Variants in ITPR2 observed in about 807,000 individuals in gnomAD.
ITPR2 encodes the protein inositol 1,4,5-trisphosphate receptor type 2, also known as inositol 1,4,5-trisphosphate-gated calcium channel ITPR2.
A neutral mutation model predicts 317.1 loss-of-function variants in ITPR2; 207 were observed. The ratio of observed to expected loss-of-function variants is 0.65; its 90% CI spans 0.58 to 0.73. ITPR2 has a LOEUF of 0.73. Ranked by LOEUF, ITPR2 falls within the 30% of genes least tolerant of loss-of-function variation. The probability of loss-of-function intolerance (pLI) is 0.00; values close to 1 mark genes in which losing one functional copy is unlikely to be tolerated. For missense variants in ITPR2, 2,613 were observed against 3,284.0 expected (o/e 0.80, Z 4.99); for synonymous variants, 1,156 against 1,149.1 (o/e 1.01, Z -0.12).
chr12:26,674,389 C>A (rs1452192382), intron 13 of ITPR2, among the ~76,000 whole-genome samples: 1 of 152,178 alleles, frequency 6.6e-6, no homozygotes, highest in African/African-American at 2.4e-5. Context: ...AGAAATAACA[C>A]CGCATATCTA....
At chr12:26,506,626 T>G (rs538034358) in intron 37 of ITPR2, among the ~76,000 whole-genome samples, 29 of 151,902 alleles carry the variant, frequency 1.9e-4, no homozygotes, top group Admixed American at 1.1e-3. Flanking sequence ...GTTATAAAAC[T>G]TAAAAGACAG....
intron 52 of ITPR2, among the ~76,000 whole-genome samples, chr12:26,407,574 G>A (rs1445660539): frequency 6.6e-6 from 1 of 152,124 alleles, no homozygotes; most frequent in East Asian, 1.9e-4. Context: ...TCTTTAGTAG[G>A]TATAAAGAAA....
Position 26,740,246 on chromosome 12 carries a change from C to G in ITPR2, c.164-14481G>C, listed in dbSNP as rs1949206099. 2.6e-5 allele frequency among the ~76,000 whole-genome samples: 4 copies of G among 152,224 alleles called. No homozygotes were observed. In the South Asian group the frequency reaches 8.3e-4, roughly 32 times the overall value. ...GTGAGGAAGAGACTATTGAGTCATG[C>G]CAAAAATACTTGAGGGTCCCAACGA... is the stretch of plus-strand genomic sequence containing the variant. On this transcript the variant is annotated intron_variant, in intron 2 of 56. Transcript: ENST00000381340.
In ITPR2 at chr12:26,550,129, A is replaced by G. The variant is rs558386307; in HGVS notation, c.5073+118T>C. The G allele has an allele frequency of 7.8e-5, 40 of 516,088 alleles. 1 individual carries two copies. The African/African-American group carries it at 8.0e-4, about 10-fold the overall frequency. The allele number at this position is 516,088 out of a possible 1,614,324, so 32.0% of individuals were successfully genotyped here. On this transcript the variant is annotated intron_variant, in intron 37 of 56. Coordinates refer to ENST00000381340, the MANE Select transcript of ITPR2 (RefSeq NM_002223.4). ...CTCAAATTATATAATTCATCTAAGT[A>G]CATGCATCATTAAGATATAATGCAA...
At chr12:26,689,949 T>C (rs1948202965) in intron 10 of ITPR2, among the ~76,000 whole-genome samples, 1 of 152,200 alleles carries the variant, frequency 6.6e-6, no homozygotes, top group Admixed American at 6.5e-5. Context: ...ACCAGGAGAA[T>C]TATAGTCACA....
chr12:26,719,964 A>G (rs565064245), intron 5 of ITPR2, among the ~76,000 whole-genome samples: 2 of 152,318 alleles, frequency 1.3e-5, no homozygotes, highest in African/African-American at 4.8e-5. Flanking sequence ...TAACTATTCA[A>G]CCATGGGAAG....
chr12:26,622,291 C>T lies in ITPR2; in HGVS notation c.3237G>A (p.Leu1079=). Residue 1079 remains leucine, a synonymous_variant, in exon 25 of 57, where the codon CTG becomes CTA. Coordinates refer to ENST00000381340, the MANE Select transcript of ITPR2 (RefSeq NM_002223.4). ...YPPLLSGALQ[L]LFKHFSQRAE... ...CCCTCTGGCTGAAGTGCTTAAACAA[C>T]AGCTGCAGGGCTCCAGACAGCAAAG... 6.2e-7 allele frequency: 1 copy of T among 1,613,944 alleles called. No individual in the cohort carries two copies. The highest frequency in any genetic ancestry group is 1.1e-5 in the South Asian group (1 of 91,044).
intron 32 of ITPR2, among the ~76,000 whole-genome samples, chr12:26,592,110 G>A (rs1282723241): frequency 6.6e-6 from 1 of 152,152 alleles, no homozygotes; most frequent in East Asian, 1.9e-4. Flanking sequence ...AACATAGACG[G>A]AACTGGAGGT....
intron 1 of ITPR2, among the ~76,000 whole-genome samples, chr12:26,824,782 A>G (rs886586334): frequency 1.3e-5 from 2 of 152,128 alleles, no homozygotes; most frequent in Non-Finnish European, 2.9e-5. Context: ...ATGCTGTTCT[A>G]TTTTCCATAT....
rs760257022 is a variant in ITPR2, at chr12:26,602,673, T to A, written c.3496A>T (p.Thr1166Ser). The A allele has an allele frequency of 6.0e-5, 97 of 1,611,400 alleles. No homozygotes were observed. The highest frequency in any genetic ancestry group is 7.9e-5 in the Non-Finnish European group (93 of 1,178,204). Residue 1166 changes from threonine to serine, a missense_variant, in exon 27 of 57, where the codon ACA becomes TCA. Coordinates refer to ENST00000381340, the MANE Select transcript of ITPR2 (RefSeq NM_002223.4). ...SNILSPVQDG[T>S]KKPQIDSNKS... The stretch of plus-strand genomic sequence containing the variant: ...TTGCTGTCAATCTGAGGTTTCTTTG[T>A]TCCATCCTGCACTGGACTTAAAATG...
chr12:26,491,904 C>T (rs1188179161), intron 39 of ITPR2, among the ~76,000 whole-genome samples: 1 of 152,110 alleles, frequency 6.6e-6, no homozygotes, highest in Non-Finnish European at 1.5e-5. Context: ...TGTGCACATC[C>T]CACTAAATAT....
intron 45 of ITPR2, among the ~76,000 whole-genome samples, chr12:26,463,356 T>C (rs984162174): frequency 6.6e-6 from 1 of 152,156 alleles, no homozygotes; most frequent in African/African-American, 2.4e-5. Context: ...ATTCATTTTA[T>C]GGCAACAGAG....
intron 55 of ITPR2, among the ~76,000 whole-genome samples, chr12:26,347,446 T>A (rs945596041): frequency 4.6e-5 from 7 of 152,298 alleles, no homozygotes; most frequent in African/African-American, 1.7e-4. Context: ...CTATGACCGA[T>A]ACCCACAATT....
chr12:26,605,571 G>T (rs73292136), intron 26 of ITPR2, among the ~76,000 whole-genome samples: 2 of 152,090 alleles, frequency 1.3e-5, no homozygotes, highest in African/African-American at 4.8e-5. Flanking sequence ...TGAAGCTTTG[G>T]TCGATATCTT....
At chr12:26,589,159 C>T (rs1945619864) in intron 32 of ITPR2, among the ~76,000 whole-genome samples, 2 of 152,096 alleles carry the variant, frequency 1.3e-5, no homozygotes, top group Admixed American at 6.6e-5. Flanking sequence ...CTAATAGCAT[C>T]GCTGCCTGCC....
At position 26,632,053 on chromosome 12, in the gene ITPR2, T is replaced by C. The variant is rs778791395; in HGVS notation, c.2747A>G (p.Asn916Ser). ...RLSKFQDGGNNVMRTIHGVGE... is the reference protein window; with the variant it reads ...RLSKFQDGGNSVMRTIHGVGE... Reference sequence around the variant, plus strand: ...CACCCCATGAATGGTTCTCATCACATTGTTTCCTGGCATGAGAAAATGCCG... The same window carrying C: ...CACCCCATGAATGGTTCTCATCACACTGTTTCCTGGCATGAGAAAATGCCG... Residue 916 changes from asparagine to serine, a missense_variant, in exon 22 of 57, where the codon AAT (asparagine) becomes AGT (serine). Coordinates refer to ENST00000381340, the MANE Select transcript of ITPR2 (RefSeq NM_002223.4). 8 of 1,543,838 alleles carry C rather than the reference T, an allele frequency of 5.2e-6. No individual in the cohort carries two copies. The highest frequency in any genetic ancestry group is 2.8e-5 in the African/African-American group (2 of 72,390).
intron 32 of ITPR2, among the ~76,000 whole-genome samples, chr12:26,582,985 C>T (rs942351607): frequency 2.0e-5 from 3 of 152,060 alleles, no homozygotes; most frequent in African/African-American, 4.8e-5. Context: ...TCTCTGGATA[C>T]AGCTGCTACT....
chr12:26,339,264 C>T lies in ITPR2; in HGVS notation c.*133G>A. 1 of 722,248 alleles carries T rather than the reference C, an allele frequency of 1.4e-6. No individual in the cohort carries two copies. The highest frequency in any genetic ancestry group is 1.8e-5 in the South Asian group (1 of 55,292). 44.7% of individuals were successfully genotyped at this position (722,248 alleles called of 1,614,324 possible). A position where few individuals can be genotyped will look rare whatever the true frequency, so the allele number is the denominator to read the frequency against. On this transcript the variant is annotated 3_prime_UTR_variant, in exon 57 of 57. Coordinates refer to ENST00000381340, the MANE Select transcript of ITPR2 (RefSeq NM_002223.4). ...ATAAATTGTTCTCGGAGCTAACCCA[C>T]TCAACATCTTGGCACTTGGTTGTTT...
chr12:26,506,072 T>TA (rs1943174987), intron 37 of ITPR2, among the ~76,000 whole-genome samples: 2 of 149,932 alleles, frequency 1.3e-5, no homozygotes, highest in Admixed American at 1.3e-4. Context: ...TAAAAATACT[T>TA]AATATGTAAA....
Sources: gnomAD v4.1 joint callset for allele counts (sites outside exome capture counted in the v4.1 genomes callset) on GRCh38, gnomAD v4.1.1 for gene constraint, MANE v1.5 for transcripts, NCBI Gene and HGNC (gene_info 2026-07-23, HGNC 2026-07-21) for gene names.